The following GMDS variants were observed in gnomAD, a reference collection of about 807,000 sequenced individuals.
GMDS encodes GDP-mannose 4,6 dehydratase.
A neutral mutation model predicts 49.9 loss-of-function variants in GMDS; 20 were observed. That is an observed-to-expected ratio of 0.40 (90% CI 0.28 to 0.58). The LOEUF is 0.58. Ranked by LOEUF, GMDS falls within the 20% of genes least tolerant of loss-of-function variation. GMDS has a pLI of 0.42. For missense variants in GMDS, 362 were observed against 481.4 expected (o/e 0.75, Z 2.32); for synonymous variants, 177 against 178.6 (o/e 0.99, Z 0.07).
chr6:1,850,994 C>T (rs1047335456), intron 7 of GMDS, among the ~76,000 whole-genome samples: 15 of 152,266 alleles, frequency 9.9e-5, no homozygotes, highest in Non-Finnish European at 1.8e-4. Context: ...TCCTACTCTA[C>T]GAGACTTTTA....
chr6:1,932,776 G>A (rs1469459588), intron 6 of GMDS, among the ~76,000 whole-genome samples: 1 of 152,100 alleles, frequency 6.6e-6, no homozygotes, highest in African/African-American at 2.4e-5. Context: ...CTGACCTCGT[G>A]ATCCACCTGC....
At chr6:1,817,810 G>A (rs1231273093) in intron 7 of GMDS, among the ~76,000 whole-genome samples, 3 of 152,138 alleles carry the variant, frequency 2.0e-5, no homozygotes, top group South Asian at 2.1e-4. Flanking sequence ...ACCCTAGGAC[G>A]GAGGTAAAAG....
intron 7 of GMDS, among the ~76,000 whole-genome samples, chr6:1,879,836 T>G (rs775985231): frequency 6.6e-6 from 1 of 152,162 alleles, no homozygotes; most frequent in Non-Finnish European, 1.5e-5. Context: ...ACCTCAGAGA[T>G]AGTACAGCCT....
At chr6:1,697,153 G>T (rs1765372440) in intron 9 of GMDS, among the ~76,000 whole-genome samples, 1 of 152,202 alleles carries the variant, frequency 6.6e-6, no homozygotes, top group Non-Finnish European at 1.5e-5. Context: ...AGGTGGATGT[G>T]ATTCCTACGT....
At chr6:2,160,445 C>A (rs1328840807) in intron 1 of GMDS, among the ~76,000 whole-genome samples, 1 of 152,224 alleles carries the variant, frequency 6.6e-6, no homozygotes, top group East Asian at 1.9e-4. Context: ...CAACCTAGGT[C>A]TGACACCAAA....
At chr6:1,624,694 C>A in intron 9 of GMDS, 154 bp from the exon 10 acceptor site, 1 of 618,318 alleles carries the variant, frequency 1.6e-6, no homozygotes, top group Non-Finnish European at 2.9e-6. Flanking sequence ...CGTTCAGTTG[C>A]GGCTCTCGGC....
intron 1 of GMDS, among the ~76,000 whole-genome samples, chr6:2,130,558 G>A (rs1194261342): frequency 2.0e-5 from 3 of 152,280 alleles, no homozygotes; most frequent in East Asian, 1.9e-4. Context: ...AAAGAGAGCC[G>A]CTCTGTGGCC....
At chr6:2,226,358 C>T (rs907315549) in intron 1 of GMDS, among the ~76,000 whole-genome samples, 2 of 152,198 alleles carry the variant, frequency 1.3e-5, no homozygotes, top group Non-Finnish European at 2.9e-5. Context: ...ATCATGATTG[C>T]TGTTCCCATC....
At chr6:1,938,571 C>CTT (rs1762658312) in intron 6 of GMDS, among the ~76,000 whole-genome samples, 1 of 152,046 alleles carries the variant, frequency 6.6e-6, no homozygotes, top group African/African-American at 2.4e-5. Flanking sequence ...AATGTAATGT[C>CTT]TTTTTTTCTC....
intron 4 of GMDS, among the ~76,000 whole-genome samples, chr6:1,979,277 C>G (rs1765089737): frequency 6.6e-6 from 1 of 152,148 alleles, no homozygotes; most frequent in Non-Finnish European, 1.5e-5. Flanking sequence ...TGTTGTAACC[C>G]AAAGCGAAGA....
chr6:2,174,549 T>G (rs868518790), intron 1 of GMDS, among the ~76,000 whole-genome samples: 2 of 151,370 alleles, frequency 1.3e-5, no homozygotes, highest in South Asian at 2.1e-4. Context: ...TGCCTAGTTT[T>G]TTTTGTTTTG....
rs1206440035 is a variant in GMDS, at chr6:1,931,993, CT to C, written c.644-1764del. On this transcript the variant is annotated intron_variant, in intron 6 of 10. Coordinates refer to ENST00000380815, the MANE Select transcript of GMDS (RefSeq NM_001500.4). ...GTGGGCCAATAAACCAGTGCTGAACCTAGTAAAATGCCAGGTCTGCAAGGGG... is the reference window on the plus strand; with the variant it reads ...GTGGGCCAATAAACCAGTGCTGAACCAGTAAAATGCCAGGTCTGCAAGGGG... 5.3e-5 allele frequency among the ~76,000 whole-genome samples: 8 copies of C among 152,292 alleles called. No individual in the cohort carries two copies. The East Asian group carries it at 1.5e-3, about 29-fold the overall frequency.
intron 4 of GMDS, among the ~76,000 whole-genome samples, chr6:2,048,236 T>C (rs1173699887): frequency 2.0e-5 from 3 of 152,250 alleles, no homozygotes; most frequent in Admixed American, 1.3e-4. Context: ...TATCATGTTT[T>C]AGAAGGCTAA....
Position 2,160,775 on chromosome 6 carries a change from A to C in GMDS, c.103-36044T>G, listed in dbSNP as rs560083806. Among the ~76,000 whole-genome samples, 352 of 151,986 alleles carry C rather than the reference A, an allele frequency of 2.3e-3. 2 individuals carry two copies. The highest frequency in any genetic ancestry group is 8.2e-3 in the African/African-American group (339 of 41,458). On this transcript the variant is annotated intron_variant, in intron 1 of 10. Transcript: ENST00000380815. The stretch of plus-strand genomic sequence containing the variant: ...ACTCCTGAGCCTAAGCTATCCACCC[A>C]CCTCGGCCTCCCAAAGTGCTGGATT...
chr6:2,016,888 A>G (rs1210747558), intron 4 of GMDS, among the ~76,000 whole-genome samples: 1 of 152,218 alleles, frequency 6.6e-6, no homozygotes, highest in Non-Finnish European at 1.5e-5. Context: ...AACATATCAA[A>G]AATCAGTCAG....
At chr6:1,891,684 AGTATC>A (rs1759878178) in intron 7 of GMDS, among the ~76,000 whole-genome samples, 2 of 152,224 alleles carry the variant, frequency 1.3e-5, no homozygotes, top group Non-Finnish European at 2.9e-5. Context: ...TAGCAGCATC[AGTATC>A]TCCAGGGAAC....
At chr6:1,818,715 C>T (rs1431491774) in intron 7 of GMDS, among the ~76,000 whole-genome samples, 2 of 151,306 alleles carry the variant, frequency 1.3e-5, no homozygotes, top group Middle Eastern at 3.2e-3. Context: ...CATATATACA[C>T]ATGCATATAT....
chr6:1,896,820 T>C (rs1272961696), intron 7 of GMDS, among the ~76,000 whole-genome samples: 1 of 152,190 alleles, frequency 6.6e-6, no homozygotes, highest in Admixed American at 6.5e-5. Context: ...ACAGACTGAC[T>C]GGGAGTCTTT....
At chr6:1,866,682 A>G (rs1474724926) in intron 7 of GMDS, among the ~76,000 whole-genome samples, 1 of 152,238 alleles carries the variant, frequency 6.6e-6, no homozygotes, top group Non-Finnish European at 1.5e-5. Context: ...TAATGCATGC[A>G]CTGTGTTTGG....
Sources: allele counts gnomAD v4.1 joint callset (sites outside exome capture counted in the v4.1 genomes callset), GRCh38; gene constraint gnomAD v4.1.1; transcripts MANE v1.5; gene names NCBI Gene and HGNC (gene_info 2026-07-23, HGNC 2026-07-21).